PDE4B: variants seen among roughly 807,000 people sequenced by gnomAD.
PDE4B encodes the protein 3',5'-cyclic-AMP phosphodiesterase 4B.
PDE4B carries 20 observed loss-of-function variants against 82.2 expected under a neutral mutation model. The ratio of observed to expected loss-of-function variants is 0.24; its 90% CI spans 0.17 to 0.35. PDE4B has a LOEUF of 0.35. Ranked by LOEUF, PDE4B falls within the 10% of genes least tolerant of loss-of-function variation. PDE4B has a pLI of 1.00. For missense variants in PDE4B, 655 were observed against 907.2 expected (o/e 0.72, Z 3.57); for synonymous variants, 320 against 318.9 (o/e 1.00, Z -0.04).
chr1:66,162,724 G>A (rs1646642340), intron 3 of PDE4B, among the ~76,000 whole-genome samples: 2 of 152,184 alleles, frequency 1.3e-5, no homozygotes, highest in South Asian at 4.2e-4. Context: ...CACCCAAAAT[G>A]TTTCAGATTT....
At chr1:66,270,717 C>A (rs533451657) in intron 7 of PDE4B, among the ~76,000 whole-genome samples, 1 of 151,906 alleles carries the variant, frequency 6.6e-6, no homozygotes, top group African/African-American at 2.4e-5. Flanking sequence ...GGAATAAAAT[C>A]AATCTTGTGA....
At position 66,241,705 on chromosome 1, in the gene PDE4B, A is replaced by G. The variant is rs145296791; in HGVS notation, c.282-5755A>G. Among the ~76,000 whole-genome samples, 806 of 152,208 alleles carry G rather than the reference A, an allele frequency of 5.3e-3. 5 individuals carry two copies. The highest frequency in any genetic ancestry group is 0.017 in the South Asian group (82 of 4,824). ...ATTTTAAGAAACACAGCATTTTTTC[A>G]TGACTATGCCTACCCCCACAACACA... On this transcript the variant is annotated intron_variant, in intron 3 of 16. Transcript: ENST00000341517.
intron 3 of PDE4B, among the ~76,000 whole-genome samples, chr1:66,041,888 T>C (rs1316864435): frequency 6.6e-6 from 1 of 151,050 alleles, no homozygotes; most frequent in African/African-American, 2.4e-5. Flanking sequence ...TCTGGCTTAG[T>C]AGGTCATCAG....
intron 3 of PDE4B, among the ~76,000 whole-genome samples, chr1:65,925,211 A>G (rs1270417010): frequency 1.3e-5 from 2 of 152,164 alleles, no homozygotes; most frequent in Non-Finnish European, 2.9e-5. Context: ...ATTAAGAAAA[A>G]TAGCTAATGC....
chr1:66,328,682 G>A (rs1173131767), intron 7 of PDE4B, among the ~76,000 whole-genome samples: 1 of 152,114 alleles, frequency 6.6e-6, no homozygotes, highest in Admixed American at 6.5e-5. Flanking sequence ...CTGCTCGCTG[G>A]TGCCCTAGGA....
rs1268011063 is a variant in PDE4B, at chr1:66,368,816, C to T, written c.1692C>T (p.Asp564=). The change falls in exon 16 of 17, where the codon GAC becomes GAT. Residue 564 remains aspartate (D), a synonymous_variant. Coordinates refer to ENST00000341517, the MANE Select transcript of PDE4B (RefSeq NM_002600.4). ...QVLRNMVHCA[D]LSNPTKSLEL... Reference sequence around the variant, plus strand: ...TTCGCAACATGGTACACTGTGCAGACCTGAGCAACCCCACCAAGTCCTTGG... The same window carrying T: ...TTCGCAACATGGTACACTGTGCAGATCTGAGCAACCCCACCAAGTCCTTGG... 1 of 1,611,696 alleles carries T rather than the reference C, an allele frequency of 6.2e-7. No homozygotes were observed. The highest frequency in any genetic ancestry group is 8.5e-7 in the Non-Finnish European group (1 of 1,178,774).
intron 3 of PDE4B, among the ~76,000 whole-genome samples, chr1:66,019,618 G>T (rs1412086027): frequency 2.0e-5 from 3 of 152,056 alleles, no homozygotes; most frequent in Non-Finnish European, 1.5e-5. Context: ...CTCCCAAAGT[G>T]CTGGGATTAC....
chr1:66,045,635 A>T (rs1570077098), intron 3 of PDE4B, among the ~76,000 whole-genome samples: 1 of 151,764 alleles, frequency 6.6e-6, no homozygotes, highest in East Asian at 1.9e-4. Context: ...GCTAAGACGC[A>T]TGCTCATCCC....
At chr1:65,862,416 A>G (rs909752595) in intron 1 of PDE4B, among the ~76,000 whole-genome samples, 17 of 152,194 alleles carry the variant, frequency 1.1e-4, no homozygotes, top group Non-Finnish European at 1.6e-4. Flanking sequence ...ATCGTGGTAG[A>G]TAAGCTTTTT....
chr1:66,176,238 G>A (rs1646929187), intron 3 of PDE4B, among the ~76,000 whole-genome samples: 1 of 152,208 alleles, frequency 6.6e-6, no homozygotes, highest in African/African-American at 2.4e-5. Context: ...AGGTCGACTG[G>A]CAAGAAGCAG....
At chr1:66,338,429 AGC>A (rs1387401285) in intron 8 of PDE4B, among the ~76,000 whole-genome samples, 2 of 152,242 alleles carry the variant, frequency 1.3e-5, no homozygotes, top group African/African-American at 4.8e-5. Flanking sequence ...CCATACTCAC[AGC>A]CTCTAGGATG....
At chr1:66,051,879 A>G (rs1346574465) in intron 3 of PDE4B, among the ~76,000 whole-genome samples, 1 of 152,132 alleles carries the variant, frequency 6.6e-6, no homozygotes, top group Non-Finnish European at 1.5e-5. Context: ...TAAAAGAAAC[A>G]CTTCCCAGCT....
At chr1:66,170,420 G>T (rs981764292) in intron 3 of PDE4B, among the ~76,000 whole-genome samples, 1 of 152,086 alleles carries the variant, frequency 6.6e-6, no homozygotes, top group African/African-American at 2.4e-5. Flanking sequence ...GAATTGAGTG[G>T]AGTTTTTCTG....
intron 4 of PDE4B, among the ~76,000 whole-genome samples, chr1:66,253,595 G>A (rs1326119162): frequency 6.6e-6 from 1 of 152,232 alleles, no homozygotes; most frequent in African/African-American, 2.4e-5. Context: ...AGTAAGAAGT[G>A]TATCAGTTTT....
chr1:66,254,297 C>G (rs910244570), intron 4 of PDE4B, among the ~76,000 whole-genome samples: 1 of 152,170 alleles, frequency 6.6e-6, no homozygotes, highest in Non-Finnish European at 1.5e-5. Context: ...ACCACAAGAT[C>G]TTCACCCATC....
chr1:66,342,243 C>T (rs1661041477), intron 8 of PDE4B, among the ~76,000 whole-genome samples: 1 of 152,098 alleles, frequency 6.6e-6, no homozygotes, highest in Admixed American at 6.5e-5. Flanking sequence ...CTAACGTTAG[C>T]TCTTTTTTCT....
chr1:66,351,977 C>T (rs1293102832), intron 8 of PDE4B, among the ~76,000 whole-genome samples: 1 of 152,104 alleles, frequency 6.6e-6, no homozygotes, highest in Non-Finnish European at 1.5e-5. Flanking sequence ...ACCCTTCCAC[C>T]CCCCGCCGTC....
chr1:66,342,942 G>A (rs1661113859), intron 8 of PDE4B, among the ~76,000 whole-genome samples: 2 of 152,100 alleles, frequency 1.3e-5, no homozygotes, highest in Admixed American at 6.6e-5. Flanking sequence ...CTACTGGGGT[G>A]GCTGAGGCAT....
rs117598690 is a variant in PDE4B at position 66,267,803 on chromosome 1, G to A, written c.634+1716G>A. 2.6e-4 allele frequency among the ~76,000 whole-genome samples: 39 copies of A among 152,246 alleles called. No individual in the cohort carries two copies. In the East Asian group the frequency reaches 6.6e-3, roughly 26 times the overall value. On this transcript the variant is annotated intron_variant, in intron 7 of 16. Coordinates refer to ENST00000341517, the MANE Select transcript of PDE4B (RefSeq NM_002600.4). The stretch of plus-strand genomic sequence containing the variant: ...CAAAATCTCCTTAACGTTTAGCCAC[G>A]GTTAGAAAAGGAAGGAGGAGACACA...
Sources: gnomAD v4.1 joint callset for allele counts (sites outside exome capture counted in the v4.1 genomes callset) on GRCh38, gnomAD v4.1.1 for gene constraint, MANE v1.5 for transcripts, NCBI Gene and HGNC (gene_info 2026-07-23, HGNC 2026-07-21) for gene names.